Variants in TMEM135 observed in about 807,000 individuals in gnomAD.
TMEM135 encodes transmembrane protein 135.
In TMEM135, 30 loss-of-function variants were observed where a neutral mutation model predicts 60.3. The observed-to-expected ratio is 0.50, with a 90% confidence interval of 0.37 to 0.68. The LOEUF (loss-of-function observed/expected upper bound fraction) is 0.68, where lower values mean the gene tolerates loss of function less well. TMEM135 is among the 30% of genes least tolerant of loss of function. The pLI, the probability that TMEM135 is intolerant of heterozygous loss-of-function variation, is 0.00. For missense variants in TMEM135, 468 were observed against 548.8 expected (o/e 0.85, Z 1.47); for synonymous variants, 190 against 186.7 (o/e 1.02, Z -0.14).
At chr11:87,057,352 A>C (rs1949903320) in intron 1 of TMEM135, among the ~76,000 whole-genome samples, 1 of 152,134 alleles carries the variant, frequency 6.6e-6, no homozygotes, top group Non-Finnish European at 1.5e-5. Context: ...CATTACGGAA[A>C]ACTTTTGAAG....
At position 87,249,126 on chromosome 11, in the gene TMEM135, C is replaced by T. The variant is rs189513405; in HGVS notation, c.509+12442C>T. Among the ~76,000 whole-genome samples the T allele has an allele frequency of 5.7e-3, 866 of 152,220 alleles. 9 individuals carry two copies. Among genetic ancestry groups the T allele is most frequent in the African/African-American group, 0.02 (827 of 41,556 alleles). On this transcript the variant is annotated intron_variant, in intron 6 of 14. Coordinates refer to ENST00000305494, the MANE Select transcript of TMEM135 (RefSeq NM_022918.4). ...GCTCTAGCTAGGACTTCCAGTACTA[C>T]GTTGAATAACAGTCATGAAAGTGGG...
chr11:87,202,347 A>G (rs1367342375), intron 5 of TMEM135, among the ~76,000 whole-genome samples: 1 of 151,980 alleles, frequency 6.6e-6, no homozygotes, highest in Non-Finnish European at 1.5e-5. Flanking sequence ...ATTTTTTGAG[A>G]CAAGGTCTGG....
At chr11:87,259,299 G>A in intron 6 of TMEM135, 1 of 353,002 alleles carries the variant, frequency 2.8e-6, no homozygotes, top group Non-Finnish European at 5.5e-6. Context: ...AAAAGGATAG[G>A]GAAAAGATAT....
chr11:87,064,384 C>T (rs1856606090), intron 1 of TMEM135, among the ~76,000 whole-genome samples: 1 of 151,910 alleles, frequency 6.6e-6, no homozygotes, highest in Non-Finnish European at 1.5e-5. Context: ...CAGTTTCTCC[C>T]AATTGTTTCA....
At chr11:87,260,758 TTC>T (rs2135401000) in intron 6 of TMEM135, among the ~76,000 whole-genome samples, 1 of 152,262 alleles carries the variant, frequency 6.6e-6, no homozygotes, top group Non-Finnish European at 1.5e-5. Context: ...AATGAGGTAT[TTC>T]TCTTTATTGA....
intron 6 of TMEM135, among the ~76,000 whole-genome samples, chr11:87,274,279 G>A (rs1035111943): frequency 7.7e-6 from 1 of 129,164 alleles, no homozygotes; most frequent in African/African-American, 2.6e-5. Flanking sequence ...AAGCTAAATT[G>A]GTAACTTAAA....
At chr11:87,097,013 T>C (rs1857345335) in intron 4 of TMEM135, among the ~76,000 whole-genome samples, 1 of 151,698 alleles carries the variant, frequency 6.6e-6, no homozygotes, top group Admixed American at 6.6e-5. Context: ...TTTTTTTTTT[T>C]CAAGACAGGG....
Position 87,102,445 on chromosome 11 carries a change from A to T in TMEM135, c.396+11050A>T, listed in dbSNP as rs982015085. Among the ~76,000 whole-genome samples the T allele has an allele frequency of 2.0e-5, 3 of 152,142 alleles. No individual in the cohort carries two copies. The East Asian group carries it at 5.8e-4, about 29-fold the overall frequency. On this transcript the variant is annotated intron_variant, in intron 4 of 14. Coordinates refer to ENST00000305494, the MANE Select transcript of TMEM135 (RefSeq NM_022918.4). The stretch of plus-strand genomic sequence containing the variant: ...CAAGAGCAAATGTTGGTATGAATAT[A>T]TAGGAACTGGAACTATCATATTCCT...
chr11:87,177,990 C>T (rs541619857), intron 5 of TMEM135, among the ~76,000 whole-genome samples: 4 of 152,278 alleles, frequency 2.6e-5, no homozygotes, highest in South Asian at 2.1e-4. Flanking sequence ...CTTCCATGCC[C>T]TCTCCCTGTA....
intron 1 of TMEM135, among the ~76,000 whole-genome samples, chr11:87,047,109 GTCTA>G (rs1472071976): frequency 2.6e-5 from 4 of 152,156 alleles, no homozygotes; most frequent in Non-Finnish European, 5.9e-5. Context: ...GCCTTATGTG[GTCTA>G]TCTGTTGCTT....
chr11:87,087,595 G>T (rs1857123363), intron 3 of TMEM135, among the ~76,000 whole-genome samples: 1 of 152,180 alleles, frequency 6.6e-6, no homozygotes, highest in Non-Finnish European at 1.5e-5. Context: ...AACAAGTCAT[G>T]ATAGGACCGA....
Position 87,145,675 on chromosome 11 carries a change from A to G in TMEM135, c.397-11666A>G, listed in dbSNP as rs1440414529. On this transcript the variant is annotated intron_variant, in intron 4 of 14. Transcript: ENST00000305494. Reference sequence around the variant, plus strand: ...GGTTTTAATTTGCATTTCTCTGCTAATTTCTGATGTTGATTTTTTTTTCAT... The same window carrying G: ...GGTTTTAATTTGCATTTCTCTGCTAGTTTCTGATGTTGATTTTTTTTTCAT... Among the ~76,000 whole-genome samples, 3 of 139,022 alleles carry G rather than the reference A, an allele frequency of 2.2e-5. No individual in the cohort carries two copies. The East Asian group carries it at 7.7e-4, about 36-fold the overall frequency. The allele number at this position is 139,022 out of a possible 152,430, so 91.2% of individuals were successfully genotyped here.
intron 4 of TMEM135, among the ~76,000 whole-genome samples, chr11:87,129,544 ATTT>A (rs371919827): frequency 2.4e-5 from 3 of 125,654 alleles, no homozygotes; most frequent in African/African-American, 6.2e-5. Context: ...TGCTTGGCCA[ATTT>A]TTTTTTTTTT....
chr11:87,071,542 T>A lies in TMEM135; in HGVS notation c.289T>A (p.Tyr97Asn). Reference sequence around the variant, plus strand: ...TTTCAGGAAGATACTTGGAAAATTCTACTCATGGACTCCTGGCTTTGGTGC... The same window carrying A: ...TTTCAGGAAGATACTTGGAAAATTCAACTCATGGACTCCTGGCTTTGGTGC... ...CILRKILGKF[Y>N]SWTPGFGAAL... Residue 97 changes from tyrosine to asparagine, a missense_variant, in exon 3 of 15, where the codon TAC (tyrosine) becomes AAC (asparagine). Coordinates refer to ENST00000305494, the MANE Select transcript of TMEM135 (RefSeq NM_022918.4). 2 of 1,614,076 alleles carry A rather than the reference T, an allele frequency of 1.2e-6. No homozygotes were observed. Among genetic ancestry groups the A allele is most frequent in the Non-Finnish European group, 1.7e-6 (2 of 1,179,972 alleles).
chr11:87,255,732 C>T (rs1941515368), intron 6 of TMEM135, among the ~76,000 whole-genome samples: 1 of 151,922 alleles, frequency 6.6e-6, no homozygotes, highest in African/African-American at 2.4e-5. Context: ...GGCCTTCTTT[C>T]TTTATAGTTG....
Position 87,325,726 on chromosome 11 carries a change from T to C in TMEM135, c.*4393T>C, listed in dbSNP as rs1453558775. ...GATTTTTTTTTTATATGCTCTGTTTTTCTTAGGCAGGATGATGTAGAAGAT... is the reference window on the plus strand; with the variant it reads ...GATTTTTTTTTTATATGCTCTGTTTCTCTTAGGCAGGATGATGTAGAAGAT... On this transcript the variant is annotated 3_prime_UTR_variant, in exon 15 of 15. Transcript: ENST00000305494. 1 of 453,980 alleles carries C rather than the reference T, an allele frequency of 2.2e-6. No homozygotes were observed. Among genetic ancestry groups the C allele is most frequent in the Non-Finnish European group, 4.4e-6 (1 of 226,768 alleles). The allele number at this position is 453,980 out of a possible 1,614,324, so 28.1% of individuals were successfully genotyped here.
At chr11:87,103,227 A>G (rs1857504641) in intron 4 of TMEM135, among the ~76,000 whole-genome samples, 1 of 152,190 alleles carries the variant, frequency 6.6e-6, no homozygotes, top group Non-Finnish European at 1.5e-5. Context: ...GAGAAAAATC[A>G]TATGGTATTT....
At chr11:87,319,174 C>A in intron 13 of TMEM135, 136 bp from the exon 14 acceptor site, 1 of 779,640 alleles carries the variant, frequency 1.3e-6, no homozygotes, top group South Asian at 1.5e-5. Flanking sequence ...CAGCCAAAAG[C>A]AACATTTTTA....
rs566767697 is a variant in TMEM135, at chr11:87,059,963, A to G, written c.142-7731A>G. On this transcript the variant is annotated intron_variant, in intron 1 of 14. Coordinates refer to ENST00000305494, the MANE Select transcript of TMEM135 (RefSeq NM_022918.4). ...AATCTGTCTCTACTAAAAATACAAA[A>G]ATTAGCTGGGTGCAGTGGCACATGC... 2.4e-3 allele frequency among the ~76,000 whole-genome samples: 370 copies of G among 152,264 alleles called. 2 individuals are homozygous for G. The highest frequency in any genetic ancestry group is 8.5e-3 in the African/African-American group (355 of 41,548).
Sources: gnomAD v4.1 joint callset for allele counts (sites outside exome capture counted in the v4.1 genomes callset) on GRCh38, gnomAD v4.1.1 for gene constraint, MANE v1.5 for transcripts, NCBI Gene and HGNC (gene_info 2026-07-23, HGNC 2026-07-21) for gene names.